The following RNASE4 variants were observed in gnomAD, a reference collection of about 807,000 sequenced individuals.
The protein encoded by RNASE4 is ribonuclease A family member 4.
For synonymous variants in RNASE4, 93 were observed against 71.4 expected, an observed-to-expected ratio of 1.30 and a Z score of -1.52; for missense variants, 194 against 192.8, an observed-to-expected ratio of 1.01 and a Z score of -0.04.
At chr14:20,689,170 G>A (rs529253038) in intron 1 of RNASE4, among the ~76,000 whole-genome samples, 65 of 152,304 alleles carry the variant, frequency 4.3e-4, no homozygotes, top group Admixed American at 2.2e-3. Flanking sequence ...GTCCTCCCCC[G>A]TCGTCCACCC....
Position 20,699,077 on chromosome 14 carries a change from C to T in RNASE4, c.-17-278C>T, listed in dbSNP as rs1408209597. 3.6e-5 allele frequency: 11 copies of T among 302,318 alleles called. 1 individual carries two copies. The Admixed American group carries it at 5.1e-4, about 14-fold the overall frequency. 18.7% of individuals were successfully genotyped at this position (302,318 alleles called of 1,614,324 possible). A position where few individuals can be genotyped will look rare whatever the true frequency, so the allele number is the denominator to read the frequency against. ...TACTCTGTCCACACAAACCTGGCAG[C>T]CACGCAGTCAGTCCCTGCCCTGTGT... is the stretch of plus-strand genomic sequence containing the variant. On this transcript the variant is annotated intron_variant, in intron 1 of 1. Coordinates refer to ENST00000555835, the MANE Select transcript of RNASE4 (RefSeq NM_002937.5).
intron 1 of RNASE4, chr14:20,693,874 A>T: frequency 6.2e-7 from 1 of 1,614,182 alleles, no homozygotes; most frequent in Admixed American, 1.7e-5. Context: ...CCAGGTCACC[A>T]CTTGCAAGCT....
rs116354284 is a variant in RNASE4 at position 20,696,484 on chromosome 14, A to G, written c.-17-2871A>G. Among the ~76,000 whole-genome samples, 678 of 152,286 alleles carry G rather than the reference A, an allele frequency of 4.5e-3. 7 individuals carry two copies. Among genetic ancestry groups the G allele is most frequent in the African/African-American group, 0.016 (657 of 41,530 alleles). On this transcript the variant is annotated intron_variant, in intron 1 of 1. Transcript: ENST00000555835. ...GCAAGGAAAAAGAAGGAACACTCCA[A>G]AATGCTAAATGCTTTGAAGAATAGT...
At chr14:20,698,475 T>C (rs1425318361) in intron 1 of RNASE4, among the ~76,000 whole-genome samples, 1 of 152,258 alleles carries the variant, frequency 6.6e-6, no homozygotes, top group Non-Finnish European at 1.5e-5. Context: ...GTCAATTTCA[T>C]AAGCCTGGGA....
intron 1 of RNASE4, chr14:20,693,755 AAGAC>A: frequency 6.2e-7 from 1 of 1,614,238 alleles, no homozygotes; most frequent in South Asian, 1.1e-5. Context: ...TCACCCTGCA[AAGAC>A]ATCAACACAT....
intron 1 of RNASE4, among the ~76,000 whole-genome samples, chr14:20,693,221 C>T (rs910515053): frequency 5.9e-5 from 9 of 152,130 alleles, no homozygotes; most frequent in Non-Finnish European, 1.2e-4. Flanking sequence ...ATGTAATGTT[C>T]ATTATTCAAT....
chr14:20,693,068 C>G (rs7144863), intron 1 of RNASE4, among the ~76,000 whole-genome samples: 1 of 151,076 alleles, frequency 6.6e-6, no homozygotes, highest in Non-Finnish European at 1.5e-5. Flanking sequence ...AGGATGGTCT[C>G]GATCTCCTGA....
At chr14:20,686,972 G>A (rs566979141) in intron 1 of RNASE4, among the ~76,000 whole-genome samples, 8 of 152,240 alleles carry the variant, frequency 5.3e-5, no homozygotes, top group Non-Finnish European at 8.8e-5. Context: ...CTGTGTGCAG[G>A]GACATTATTG....
At chr14:20,686,223 C>T (rs373246662) in intron 1 of RNASE4, among the ~76,000 whole-genome samples, 140 of 151,898 alleles carry the variant, frequency 9.2e-4, no homozygotes, top group Admixed American at 3.6e-3. Flanking sequence ...TGGAGTGGTA[C>T]GATGTTAGTA....
At chr14:20,693,094 G>T (rs919371260) in intron 1 of RNASE4, among the ~76,000 whole-genome samples, 1 of 151,986 alleles carries the variant, frequency 6.6e-6, no homozygotes, top group Non-Finnish European at 1.5e-5. Context: ...TGATCCGCCC[G>T]CCTTGGCCTC....
intron 1 of RNASE4, among the ~76,000 whole-genome samples, chr14:20,693,068 C>T (rs7144863): frequency 0.29 from 43,294 of 150,446 alleles, 7,465 homozygotes; most frequent in African/African-American, 0.49. Flanking sequence ...AGGATGGTCT[C>T]GATCTCCTGA....
chr14:20,690,317 T>G (rs1886678095), intron 1 of RNASE4, among the ~76,000 whole-genome samples: 1 of 150,260 alleles, frequency 6.7e-6, no homozygotes, highest in African/African-American at 2.5e-5. Flanking sequence ...TGACAGACAG[T>G]TACGTGTTTG....
intron 1 of RNASE4, among the ~76,000 whole-genome samples, chr14:20,692,435 G>T (rs1346235288): frequency 1.3e-5 from 2 of 152,220 alleles, no homozygotes; most frequent in African/African-American, 2.4e-5. Flanking sequence ...CCTTCCCTGG[G>T]CTCAGGGTTC....
rs1887205023 is a variant in RNASE4, at chr14:20,699,424, T to C, written c.53T>C (p.Leu18Pro). Reference sequence around the variant, plus strand: ...CTTCTGCTTTTGCTGCTGACCCTGCTGGGGCTGGGGCTGGTCCAGCCCTCC... The same window carrying C: ...CTTCTGCTTTTGCTGCTGACCCTGCCGGGGCTGGGGCTGGTCCAGCCCTCC... Reference protein sequence around the residue: ...SLLLLLLLTLLGLGLVQPSYG... With the variant: ...SLLLLLLLTLPGLGLVQPSYG... The change falls in exon 2 of 2, where the codon CTG becomes CCG. Residue 18 changes from leucine (L) to proline (P), a missense_variant. Transcript: ENST00000555835. 1.2e-6 allele frequency: 2 copies of C among 1,609,930 alleles called. No homozygotes were observed. Among genetic ancestry groups the C allele is most frequent in the Non-Finnish European group, 1.7e-6 (2 of 1,176,888 alleles).
At chr14:20,694,097 C>A in intron 1 of RNASE4, 2 of 1,454,510 alleles carry the variant, frequency 1.4e-6, no homozygotes, top group Non-Finnish European at 1.9e-6. Flanking sequence ...ACATTCATTG[C>A]CAAGGGCCCA....
chr14:20,686,653 C>T (rs954493690), intron 1 of RNASE4, among the ~76,000 whole-genome samples: 1 of 152,226 alleles, frequency 6.6e-6, no homozygotes, highest in East Asian at 1.9e-4. Context: ...TTTGGAAATA[C>T]AGGCATGTCA....
intron 1 of RNASE4, among the ~76,000 whole-genome samples, chr14:20,686,070 C>T (rs889090668): frequency 6.6e-6 from 1 of 150,726 alleles, no homozygotes; most frequent in Non-Finnish European, 1.5e-5. Context: ...TTGTGTGGTG[C>T]ATTGGAAAGC....
chr14:20,697,828 G>C (rs1887143244), intron 1 of RNASE4, among the ~76,000 whole-genome samples: 2 of 152,180 alleles, frequency 1.3e-5, no homozygotes, highest in Non-Finnish European at 2.9e-5. Flanking sequence ...ATTGAATCAG[G>C]GATGATTTTT....
At chr14:20,694,686 C>T (rs1436559626) in intron 1 of RNASE4, among the ~76,000 whole-genome samples, 2 of 152,110 alleles carry the variant, frequency 1.3e-5, no homozygotes, top group African/African-American at 4.8e-5. Flanking sequence ...TGTTGATCTA[C>T]AGAGAGAGAT....
Sources: allele counts gnomAD v4.1 joint callset (sites outside exome capture counted in the v4.1 genomes callset), GRCh38; gene constraint gnomAD v4.1.1; transcripts MANE v1.5; gene names NCBI Gene and HGNC (gene_info 2026-07-23, HGNC 2026-07-21).